The following MED12 variants were observed in gnomAD, a reference collection of about 807,000 sequenced individuals.
The protein encoded by MED12 is mediator complex subunit 12.
In MED12, 10 loss-of-function variants were observed where a neutral mutation model predicts 177.7. The observed-to-expected ratio is 0.06, with a 90% CI of 0.03 to 0.10. The LOEUF is 0.10. Ranked by LOEUF, MED12 falls within the 10% of genes least tolerant of loss-of-function variation. The probability of loss-of-function intolerance (pLI) is 1.00; values close to 1 mark genes in which losing one functional copy is unlikely to be tolerated. For missense variants in MED12, 867 were observed against 1,780.8 expected (o/e 0.49, Z 9.23); for synonymous variants, 641 against 678.4 (o/e 0.94, Z 0.86).
At chrX:71,119,977 G>C (rs2092285423) in intron 3 of MED12, 37 bp from the exon 4 acceptor site, 4 of 1,209,936 alleles carry the variant, frequency 3.3e-6, no homozygotes, top group Non-Finnish European at 3.4e-6. Flanking sequence ...AGCTCATGGG[G>C]ATAATAGAGA....
At chrX:71,134,560 T>G in intron 34 of MED12, 94 bp downstream of exon 34, 1 of 925,258 alleles carries the variant, frequency 1.1e-6, no homozygotes, top group Non-Finnish European at 1.6e-6. Flanking sequence ...GTGTGGCTGT[T>G]ACTGTGGACT....
At chrX:71,134,270 C>A in intron 33 of MED12, 87 bp from the exon 34 acceptor site, 1 of 481,168 alleles carries the variant, frequency 2.1e-6, no homozygotes. Context: ...TGAACTCAGG[C>A]GTCCCAACTC....
intron 41 of MED12, among the ~76,000 whole-genome samples, chrX:71,138,264 T>C (rs2092337598): frequency 9.0e-6 from 1 of 111,049 alleles, no homozygotes; most frequent in Non-Finnish European, 1.9e-5. Context: ...GGTGGGAGAA[T>C]CAGTTGATTC....
intron 41 of MED12, among the ~76,000 whole-genome samples, chrX:71,138,580 T>C (rs6525472): frequency 9.3e-6 from 1 of 106,970 alleles, no homozygotes. Context: ...CAAAAAAAAA[T>C]TTTTTTTTAA....
intron 19 of MED12, among the ~76,000 whole-genome samples, chrX:71,126,725 A>G (rs2092304295): frequency 8.9e-6 from 1 of 112,177 alleles, no homozygotes; most frequent in Non-Finnish European, 1.9e-5. Flanking sequence ...CCCACTGTGG[A>G]GTTCATAGAA....
At chrX:71,128,780 G>A (rs1683901012) in intron 24 of MED12, 62 bp downstream of exon 24, 7 of 1,162,733 alleles carry the variant, frequency 6.0e-6, no homozygotes, top group Non-Finnish European at 8.1e-6. Flanking sequence ...CACACTGGAC[G>A]GCCATCCTCT....
chrX:71,140,110 C>T (rs1288018650), intron 41 of MED12, among the ~76,000 whole-genome samples: 2 of 86,856 alleles, frequency 2.3e-5, no homozygotes, highest in Non-Finnish European at 2.2e-5. Context: ...GATGGAGTCT[C>T]GCTCTGTCAT....
intron 4 of MED12, 34 bp downstream of exon 4, chrX:71,120,204 T>C: frequency 8.4e-7 from 1 of 1,189,126 alleles, no homozygotes; most frequent in Non-Finnish European, 1.1e-6. Context: ...GTACTGCTGA[T>C]GGCTTCAAGG....
At position 71,126,117 on chromosome X, in the gene MED12, A is replaced by C; in HGVS notation, c.2504A>C (p.His835Pro). Residue 835 changes from histidine (H) to proline (P), a missense_variant, in exon 18 of 45, where the codon CAC becomes CCC. His to Pro is a moderately conservative substitution (Grantham distance 77). This residue lies in a region of MED12 where 309 missense variants were observed against 556.3 expected (regional missense o/e 0.56). Transcript: ENST00000374080. ...GAAGATATCTTTGCTAAGTTCCAGC[A>C]CCTTTCACATTATGACCAACACCAG... is the stretch of plus-strand genomic sequence containing the variant. ...TAEDIFAKFQHLSHYDQHQVT... is the reference protein window; with the variant it reads ...TAEDIFAKFQPLSHYDQHQVT... 8.3e-7 allele frequency: 1 copy of C among 1,211,160 alleles called. No individual in the cohort carries two copies. The highest frequency in any genetic ancestry group is 1.1e-6 in the Non-Finnish European group (1 of 894,848).
intron 24 of MED12, 121 bp from the exon 25 acceptor site, chrX:71,128,993 T>A: frequency 1.6e-6 from 1 of 613,603 alleles, no homozygotes; most frequent in Non-Finnish European, 2.7e-6. Context: ...CTCCTTTCAC[T>A]TTACCTCATC....
At position 71,127,451 on chromosome X, in the gene MED12, T is replaced by A; in HGVS notation, c.2965T>A (p.Phe989Ile). 1 of 1,205,458 alleles carries A rather than the reference T, an allele frequency of 8.3e-7. No individual in the cohort carries two copies. The change falls in exon 21 of 45, where the codon TTT becomes ATT. Residue 989 changes from phenylalanine to isoleucine, a missense_variant. Phe to Ile is a conservative substitution (Grantham distance 21). Around this residue, in one of 14 missense-constraint regions of MED12, gnomAD observed 70 missense variants for 143.6 expected, o/e 0.49. Coordinates refer to ENST00000374080, the MANE Select transcript of MED12 (RefSeq NM_005120.3). Reference sequence around the variant, plus strand: ...CTCCTGTAGCCATTTAAAGAACAAATTTGGGGAGCTCTTCAGGTAAGAGAG... The same window carrying A: ...CTCCTGTAGCCATTTAAAGAACAAAATTGGGGAGCTCTTCAGGTAAGAGAG... ...YTSCSHLKNK[F>I]GELFSDFCSK... is the part of the protein sequence containing the mutation.
At position 71,123,096 on chromosome X, in the gene MED12, TCTC is replaced by T; in HGVS notation, c.1491_1493del (p.Ser498del). On this transcript the variant is annotated inframe_deletion and splice_region_variant, in exon 11 of 45. Coordinates refer to ENST00000374080, the MANE Select transcript of MED12 (RefSeq NM_005120.3). ...TCCTTCTCTTCCTTTGTTCTCCAGA[TCTC>T]CTCAGATGATGATGCTGTGGTGTCA... 2 of 1,211,351 alleles carry T rather than the reference TCTC, an allele frequency of 1.7e-6. No individual in the cohort carries two copies. The highest frequency in any genetic ancestry group is 2.2e-6 in the Non-Finnish European group (2 of 895,306).
intron 12 of MED12, among the ~76,000 whole-genome samples, 185 bp from the exon 13 acceptor site, chrX:71,123,974 T>C (rs774363549): frequency 8.9e-6 from 1 of 112,351 alleles, no homozygotes; most frequent in Non-Finnish European, 1.9e-5. Context: ...GCAACAAAGA[T>C]GTTACATTCC....
chrX:71,126,213 T>C, intron 18 of MED12, 59 bp downstream of exon 18: 1 of 1,151,857 alleles, frequency 8.7e-7, no homozygotes, highest in Non-Finnish European at 1.2e-6. Flanking sequence ...GTTTTCCTTT[T>C]CTTCCCTATC....
chrX:71,122,927 T>C (rs1005298628), intron 10 of MED12, 53 bp downstream of exon 10: 1 of 1,179,329 alleles, frequency 8.5e-7, no homozygotes, highest in African/African-American at 1.8e-5. Context: ...AGCAATAATA[T>C]GTCTGAGAGG....
intron 36 of MED12, 32 bp downstream of exon 36, chrX:71,135,285 CTT>C: frequency 8.3e-7 from 1 of 1,208,515 alleles, no homozygotes; most frequent in Non-Finnish European, 1.1e-6. Context: ...TGTCCCTTGC[CTT>C]TTTTCCCCTT....
At chrX:71,121,845 T>A (rs368175213) in intron 7 of MED12, 29 bp downstream of exon 7, 2 of 1,209,643 alleles carry the variant, frequency 1.7e-6, no homozygotes, top group East Asian at 3.0e-5. Flanking sequence ...CAAGGAAGCA[T>A]TGAGAGATAG....
At chrX:71,131,168 G>A (rs766267856) in intron 28 of MED12, among the ~76,000 whole-genome samples, 1 of 90,504 alleles carries the variant, frequency 1.1e-5, no homozygotes, top group East Asian at 3.3e-4. Flanking sequence ...CGCTCTTGTC[G>A]CTCAGGCTGG....
At position 71,121,743 on chromosome X, in the gene MED12, C is replaced by T. The variant is rs764107388; in HGVS notation, c.1028C>T (p.Ser343Leu). The change falls in exon 7 of 45, where the codon TCG becomes TTG. Residue 343 changes from serine to leucine, a missense_variant. This residue lies in a region of MED12 where 309 missense variants were observed against 556.3 expected (regional missense o/e 0.56). Coordinates refer to ENST00000374080, the MANE Select transcript of MED12 (RefSeq NM_005120.3). ...CAGCCCCCAACTAGCAGCACACCCT[C>T]GACTCCCTTTAGTGACCTGCTTATG... ...APQPPTSSTPSTPFSDLLMCP... is the reference protein window; with the variant it reads ...APQPPTSSTPLTPFSDLLMCP... 71 of 1,209,579 alleles carry T rather than the reference C, an allele frequency of 5.9e-5. No individual in the cohort carries two copies. Among genetic ancestry groups the T allele is most frequent in the Non-Finnish European group, 7.7e-5 (69 of 895,013 alleles).
Sources: allele counts gnomAD v4.1 joint callset (sites outside exome capture counted in the v4.1 genomes callset), GRCh38; gene constraint gnomAD v4.1.1; regional missense constraint gnomAD v4.1.1; transcripts MANE v1.5; gene names NCBI Gene and HGNC (gene_info 2026-07-23, HGNC 2026-07-21).